The following RGS3 variants were observed in gnomAD, a reference collection of about 807,000 sequenced individuals.
RGS3 encodes regulator of G-protein signalling 3.
In RGS3, 80 loss-of-function variants were observed where a neutral mutation model predicts 132.6. The observed-to-expected ratio is 0.60, with a 90% CI of 0.50 to 0.73. RGS3 has a LOEUF of 0.73. Among genes scored for constraint, RGS3 ranks in the 30% least tolerant of loss-of-function variants. The pLI, the probability that RGS3 is intolerant of heterozygous loss-of-function variation, is 0.00. For missense variants in RGS3, 1,382 were observed against 1,530.8 expected (o/e 0.90, Z 1.62); for synonymous variants, 598 against 620.6 (o/e 0.96, Z 0.54).
chr9:113,583,866 T>G lies in RGS3; in HGVS notation c.2454T>G (p.Pro818=), dbSNP rs751020045. The change falls in exon 20 of 25, where the codon CCT becomes CCG. Residue 818 remains proline, a synonymous_variant. Coordinates refer to ENST00000350696, the Ensembl canonical transcript of RGS3. Reference sequence around the variant, plus strand: ...ACCTTCCACCCTGTCAAGATCTGCCTCCTAGCCAGGTCTCCCTGCCAGCCA... The same window carrying G: ...ACCTTCCACCCTGTCAAGATCTGCCGCCTAGCCAGGTCTCCCTGCCAGCCA... 7.7e-5 allele frequency: 125 copies of G among 1,613,754 alleles called. No homozygotes were observed. The Admixed American group carries it at 1.0e-3, about 13-fold the overall frequency.
chr9:113,529,124 C>A, intron 17 of RGS3, 97 bp from the exon 16 acceptor site: 1 of 946,380 alleles, frequency 1.1e-6, no homozygotes, highest in Non-Finnish European at 1.7e-6. Flanking sequence ...AGGTGCCACA[C>A]ACAGCCTTCT....
chr9:113,559,626 TAA>T (rs957041163), intron 19 of RGS3, among the ~76,000 whole-genome samples: 2 of 152,168 alleles, frequency 1.3e-5, no homozygotes, highest in African/African-American at 4.8e-5. Context: ...ATTTGGGGAA[TAA>T]GAGATTAAGG....
At chr9:113,488,257 T>C (rs1480740471) in intron 7 of RGS3, among the ~76,000 whole-genome samples, 1 of 151,642 alleles carries the variant, frequency 6.6e-6, no homozygotes, top group Non-Finnish European at 1.5e-5. Flanking sequence ...TTACTGGAGG[T>C]GGAGGTGAGT....
chr9:113,459,972 C>T (rs111338970), upstream of RGS3, among the ~76,000 whole-genome samples: 6,075 of 149,530 alleles, frequency 0.041, 165 homozygotes, highest in South Asian at 0.1. Flanking sequence ...CCTTGGGAGG[C>T]GGAGGTTGCA....
Position 113,485,757 on chromosome 9 carries a change from C to G in RGS3, c.689+64C>G, listed in dbSNP as rs370263209. 85 of 1,173,076 alleles carry G rather than the reference C, an allele frequency of 7.2e-5. No homozygotes were observed. The African/African-American group carries it at 1.1e-3, about 16-fold the overall frequency. The allele number at this position is 1,173,076 out of a possible 1,614,324, so 72.7% of individuals were successfully genotyped here. On this transcript the variant is annotated intron_variant, in intron 7 of 24. Coordinates refer to ENST00000350696, the Ensembl canonical transcript of RGS3. Reference sequence around the variant, plus strand: ...GGGCTAGTGGGTGACAGCCAGGTGGCCAGCATACACCAGGGGTTCGATTAG... The same window carrying G: ...GGGCTAGTGGGTGACAGCCAGGTGGGCAGCATACACCAGGGGTTCGATTAG...
chr9:113,463,707 G>C lies in RGS3; in HGVS notation c.415+1506G>C. ...AACGCTTGGGGCAGCCCTACCTCCC[G>C]CTCGCGCTCCTCCCGCCCTGGAGAC... is the stretch of plus-strand genomic sequence containing the variant. On this transcript the variant is annotated intron_variant, in intron 3 of 24. Transcript: ENST00000350696. This position sits in a 1 kb window ranked among gnomAD's most constrained non-coding sequence, Gnocchi z 4.6. 7.0e-7 allele frequency: 1 copy of C among 1,430,556 alleles called. No individual in the cohort carries two copies. Among genetic ancestry groups the C allele is most frequent in the Non-Finnish European group, 9.2e-7 (1 of 1,090,652 alleles). The allele number at this position is 1,430,556 out of a possible 1,614,324, so 88.6% of individuals were successfully genotyped here.
chr9:113,552,058 A>T (rs1467429491), intron 19 of RGS3, among the ~76,000 whole-genome samples: 1 of 152,178 alleles, frequency 6.6e-6, no homozygotes, highest in Non-Finnish European at 1.5e-5. Context: ...ATCTTGAAAA[A>T]TATTATTGCC....
Position 113,517,132 on chromosome 9 carries a change from A to G in RGS3, c.1675-409A>G, listed in dbSNP as rs138818584. 6.3e-3 allele frequency: 2,736 copies of G among 435,534 alleles called. 70 individuals are homozygous for G. The highest frequency in any genetic ancestry group is 0.051 in the African/African-American group (2,513 of 49,630). 27.0% of individuals were successfully genotyped at this position (435,534 alleles called of 1,614,324 possible). ...GACTCAAGTGACCAAATCTCTTGGC[A>G]TGTGGCTCTCAGGATGCCTCTTGGT... On this transcript the variant is annotated intron_variant, in intron 15 of 24. Coordinates refer to ENST00000350696, the Ensembl canonical transcript of RGS3.
chr9:113,533,272 G>A (rs1263796606), intron 18 of RGS3, among the ~76,000 whole-genome samples: 7 of 147,378 alleles, frequency 4.7e-5, no homozygotes, highest in Admixed American at 1.4e-4. Context: ...ACTCTGTTAC[G>A]CAGGCTGAAG....
rs1831091372 is a variant in RGS3 at position 113,505,541 on chromosome 9, G to C, written c.979+18G>C. 1 of 1,607,220 alleles carries C rather than the reference G, an allele frequency of 6.2e-7. No homozygotes were observed. Among genetic ancestry groups the C allele is most frequent in the Non-Finnish European group, 8.5e-7 (1 of 1,173,742 alleles). On this transcript the variant is annotated intron_variant, in intron 11 of 24. Coordinates refer to ENST00000350696, the Ensembl canonical transcript of RGS3. ...GGATTCCGGTAAGTTATTGACAGGG[G>C]GATGCCAACCCCACTTGCCCACCAC...
intron 15 of RGS3, among the ~76,000 whole-genome samples, chr9:113,517,090 T>C (rs764074758): frequency 6.6e-6 from 1 of 152,158 alleles, no homozygotes; most frequent in Non-Finnish European, 1.5e-5. Flanking sequence ...GAGCAGGGAC[T>C]GGCCTGGCTT....
At chr9:113,528,304 G>A (rs1383492204) in intron 17 of RGS3, among the ~76,000 whole-genome samples, 2 of 152,320 alleles carry the variant, frequency 1.3e-5, no homozygotes, top group South Asian at 2.1e-4. Flanking sequence ...TGACCTAAGC[G>A]GGAGTGCTGC....
rs1437500604 is a variant in RGS3 at position 113,583,977 on chromosome 9, G to A, written c.2565G>A (p.Val855=). The change falls in exon 20 of 25, where the codon GTG becomes GTA. Residue 855 remains valine (V), a synonymous_variant. Transcript: ENST00000350696. ...CTGCGGCCCCCAGGCCAGCCTTCGTGATCCCTGAGGTCCGGCTGGATAGCA... is the reference window on the plus strand; with the variant it reads ...CTGCGGCCCCCAGGCCAGCCTTCGTAATCCCTGAGGTCCGGCTGGATAGCA... 4 of 1,614,004 alleles carry A rather than the reference G, an allele frequency of 2.5e-6. No individual in the cohort carries two copies. In the African/African-American group the frequency reaches 5.3e-5, roughly 22 times the overall value.
chr9:113,499,226 C>CAAA (rs57507668), intron 10 of RGS3, among the ~76,000 whole-genome samples: 52 of 60,400 alleles, frequency 8.6e-4, no homozygotes, highest in Non-Finnish European at 1.1e-3. Context: ...GATTCCATCT[C>CAAA]AAAAAAAAAA....
chr9:113,489,733 T>G (rs1326583836), intron 7 of RGS3, among the ~76,000 whole-genome samples: 1 of 151,814 alleles, frequency 6.6e-6, no homozygotes, highest in Non-Finnish European at 1.5e-5. Flanking sequence ...CCTTGCTATG[T>G]TGCCCAGGCT....
At chr9:113,486,634 G>A (rs1455081124) in intron 7 of RGS3, among the ~76,000 whole-genome samples, 1 of 152,188 alleles carries the variant, frequency 6.6e-6, no homozygotes, top group African/African-American at 2.4e-5. Context: ...GATACCCCAT[G>A]GTCAGTATCA....
intron 19 of RGS3, among the ~76,000 whole-genome samples, chr9:113,574,413 G>A (rs1158009841): frequency 6.6e-6 from 1 of 152,196 alleles, no homozygotes; most frequent in East Asian, 1.9e-4. Context: ...TAGCATGGTA[G>A]CAGGTGGGTG....
rs980284351 is a variant in RGS3 at position 113,565,611 on chromosome 9, G to A, written c.2038-17839G>A. ...GGGAAGGCAGCCGCTTGACACGGCC[G>A]CCAGGAGCTGCCACAGCCACGGCCG... On this transcript the variant is annotated intron_variant, in intron 19 of 24. Transcript: ENST00000350696. This position sits in a 1 kb window ranked among gnomAD's most constrained non-coding sequence, Gnocchi z 5.7. The A allele has an allele frequency of 1.5e-5, 4 of 263,578 alleles. No homozygotes were observed. Among genetic ancestry groups the A allele is most frequent in the Non-Finnish European group, 2.3e-5 (3 of 131,436 alleles). The allele number at this position is 263,578 out of a possible 1,614,324, so 16.3% of individuals were successfully genotyped here.
At chr9:113,593,881 G>T in intron 21 of RGS3, 4 of 1,559,592 alleles carry the variant, frequency 2.6e-6, no homozygotes, top group South Asian at 1.2e-5. Flanking sequence ...GCAATTTGCT[G>T]ACTTGTCCCC....
Sources: allele counts gnomAD v4.1 joint callset (sites outside exome capture counted in the v4.1 genomes callset), GRCh38; gene constraint gnomAD v4.1.1; non-coding constraint Gnocchi (gnomAD v3.1); transcripts MANE v1.5; gene names NCBI Gene and HGNC (gene_info 2026-07-23, HGNC 2026-07-21).